Variants in NEB observed in about 807,000 individuals in gnomAD.
NEB encodes the protein nebulin.
In NEB, 512 loss-of-function variants were observed where a neutral mutation model predicts 952.2. The ratio of observed to expected loss-of-function variants is 0.54; its 90% confidence interval spans 0.50 to 0.58. NEB has a LOEUF of 0.58. NEB is among the 20% of genes least tolerant of loss of function. NEB has a pLI of 0.00. For missense variants in NEB, 8,428 were observed against 9,231.1 expected (o/e 0.91, Z 3.56); for synonymous variants, 2,900 against 3,149.8 (o/e 0.92, Z 2.66).
intron 141 of NEB, 116 bp from the exon 142 acceptor site, chr2:151,535,911 T>A (rs1313707067): frequency 3.2e-6 from 2 of 624,592 alleles, no homozygotes; most frequent in Non-Finnish European, 5.4e-6. Context: ...TAACACATAT[T>A]CGTTTGTTTG....
At chr2:151,567,071 G>C in intron 114 of NEB, 97 bp downstream of exon 114, 1 of 1,061,864 alleles carries the variant, frequency 9.4e-7, no homozygotes, top group East Asian at 2.4e-5. Flanking sequence ...AATATCGATG[G>C]CCTCAAATTT....
In NEB at chr2:151,697,560, T is replaced by A; in HGVS notation, c.1241A>T (p.Gln414Leu). 2 of 1,613,058 alleles carry A rather than the reference T, an allele frequency of 1.2e-6. No homozygotes were observed. The highest frequency in any genetic ancestry group is 1.7e-6 in the Non-Finnish European group (2 of 1,179,622). ...ATTGCTTACATCACTACTGAAGTTCTGCAGAACAGTATCGAGCTTGAATTT... is the reference window on the plus strand; with the variant it reads ...ATTGCTTACATCACTACTGAAGTTCAGCAGAACAGTATCGAGCTTGAATTT... The part of the protein sequence containing the change: ...TPKFKLDTVL[Q>L]NFSSDKKYKD... The change falls in exon 14 of 182, where the codon CAG becomes CTG. Residue 414 changes from glutamine to leucine, a missense_variant. Gln to Leu is a moderately radical substitution (Grantham distance 113). Transcript: ENST00000397345.
chr2:151,502,954 G>T, intron 166 of NEB, 69 bp from the exon 167 acceptor site: 1 of 911,048 alleles, frequency 1.1e-6, no homozygotes. Context: ...GGAAGGAAAT[G>T]GGGGAAGGGG....
intron 5 of NEB, among the ~76,000 whole-genome samples, chr2:151,727,409 G>T (rs1029187954): frequency 6.6e-6 from 1 of 152,144 alleles, no homozygotes; most frequent in African/African-American, 2.4e-5. Context: ...CATTATTCTA[G>T]ATTGGCTAAT....
At chr2:151,520,968 T>C (rs2081563296) in intron 153 of NEB, among the ~76,000 whole-genome samples, 1 of 152,220 alleles carries the variant, frequency 6.6e-6, no homozygotes, top group African/African-American at 2.4e-5. Context: ...TCAACAGTAT[T>C]GCAGAATTAA....
rs999080835 is a variant in NEB, at chr2:151,725,621, T to A, written c.295-61A>T. ...GCAGTGAAAATTTCAGGCAACATAC[T>A]CACCCCATTTGATAAAAAAAAATCC... On this transcript the variant is annotated intron_variant, in intron 5 of 181. Coordinates refer to ENST00000397345, the MANE Select transcript of NEB (RefSeq NM_001164508.2). 5.4e-6 allele frequency: 7 copies of A among 1,292,718 alleles called. No homozygotes were observed. In the African/African-American group the frequency reaches 1.0e-4, roughly 19 times the overall value. The allele number at this position is 1,292,718 out of a possible 1,614,324, so 80.1% of individuals were successfully genotyped here.
At chr2:151,618,239 A>C (rs1299972411) in intron 74 of NEB, 36 bp downstream of exon 74, 1 of 1,568,284 alleles carries the variant, frequency 6.4e-7, no homozygotes, top group African/African-American at 1.4e-5. Context: ...TTCTGTGGTA[A>C]CTTTCGGTAT....
chr2:151,644,365 A>C, intron 56 of NEB, 103 bp downstream of exon 56: 1 of 1,188,272 alleles, frequency 8.4e-7, no homozygotes, highest in Admixed American at 2.1e-5. Flanking sequence ...ATTCCACTGT[A>C]ATTTGTTACC....
intron 138 of NEB, among the ~76,000 whole-genome samples, chr2:151,539,185 C>T (rs1302716174): frequency 3.9e-5 from 6 of 152,096 alleles, no homozygotes; most frequent in South Asian, 4.2e-4. Flanking sequence ...GTGTGGCCAC[C>T]GCTGTAAGAT....
intron 105 of NEB, among the ~76,000 whole-genome samples, chr2:151,578,688 A>G (rs879863416): frequency 8.0e-5 from 12 of 149,086 alleles, no homozygotes; most frequent in Non-Finnish European, 1.6e-4. Flanking sequence ...GGAAGGAAGG[A>G]AGGAAGGAGA....
rs573693040 is a variant in NEB at position 151,619,734 on chromosome 2, T to A, written c.10589A>T (p.Gln3530Leu). 6.1e-5 allele frequency: 99 copies of A among 1,612,588 alleles called. No individual in the cohort carries two copies. The highest frequency in any genetic ancestry group is 8.1e-5 in the Non-Finnish European group (96 of 1,178,832). ...DYKYKEAYRK[Q>L]LGHHIGARAV... ...TCGGGCGCCAATGTGGTGACCCAAC[T>A]GTTTACGATATGCTTCTTTGTATTT... The change falls in exon 73 of 182, where the codon CAG (glutamine) becomes CTG (leucine). Residue 3530 changes from glutamine to leucine, a missense_variant. Coordinates refer to ENST00000397345, the MANE Select transcript of NEB (RefSeq NM_001164508.2).
chr2:151,496,836 T>G, intron 172 of NEB, 105 bp downstream of exon 172: 1 of 1,304,268 alleles, frequency 7.7e-7, no homozygotes, highest in South Asian at 1.4e-5. Context: ...AAGAAAGAAG[T>G]TCACAAAATT....
chr2:151,517,950 C>T (rs1357973350), intron 156 of NEB, among the ~76,000 whole-genome samples: 1 of 152,080 alleles, frequency 6.6e-6, no homozygotes, highest in Admixed American at 6.6e-5. Context: ...AGTAGTAGAC[C>T]TGATCGTATC....
intron 171 of NEB, 120 bp from the exon 172 acceptor site, chr2:151,497,153 A>G: frequency 4.5e-6 from 6 of 1,337,496 alleles, no homozygotes; most frequent in Non-Finnish European, 6.1e-6. Flanking sequence ...AGGAGCCAGA[A>G]GTTATATGCT....
At chr2:151,732,337 C>T (rs936641792) in intron 3 of NEB, among the ~76,000 whole-genome samples, 9 of 151,702 alleles carry the variant, frequency 5.9e-5, no homozygotes, top group Admixed American at 6.6e-5. Context: ...GAGGAAAAAC[C>T]GTAAGATGAT....
intron 29 of NEB, 125 bp downstream of exon 29, chr2:151,682,535 CGT>C: frequency 1.4e-6 from 1 of 737,638 alleles, no homozygotes. Flanking sequence ...AATTTGTGCA[CGT>C]GGTAAGCTCT....
chr2:151,638,076 T>A (rs1012626828), intron 63 of NEB, among the ~76,000 whole-genome samples: 1 of 152,204 alleles, frequency 6.6e-6, no homozygotes, highest in Non-Finnish European at 1.5e-5. Flanking sequence ...AGGCTCAGTC[T>A]AAGAAGAAGA....
chr2:151,503,232 A>AAC, intron 166 of NEB, 117 bp downstream of exon 166: 1 of 765,780 alleles, frequency 1.3e-6, no homozygotes, highest in Non-Finnish European at 2.2e-6. Context: ...AATAATACAC[A>AAC]ACACACACAG....
Position 151,658,585 on chromosome 2 carries a change from T to C in NEB, c.6075+480A>G, listed in dbSNP as rs574197358. Reference sequence around the variant, plus strand: ...TAGAGGATTTCCTAGCAACTATGATTAGGATGAAAAAGGAAATGAAATAAA... The same window carrying C: ...TAGAGGATTTCCTAGCAACTATGATCAGGATGAAAAAGGAAATGAAATAAA... On this transcript the variant is annotated intron_variant, in intron 47 of 181. Coordinates refer to ENST00000397345, the MANE Select transcript of NEB (RefSeq NM_001164508.2). Among the ~76,000 whole-genome samples, 7 of 152,266 alleles carry C rather than the reference T, an allele frequency of 4.6e-5. No homozygotes were observed. The East Asian group carries it at 1.4e-3, about 29-fold the overall frequency.
Sources: allele counts gnomAD v4.1 joint callset (sites outside exome capture counted in the v4.1 genomes callset), GRCh38; gene constraint gnomAD v4.1.1; transcripts MANE v1.5; gene names NCBI Gene and HGNC (gene_info 2026-07-23, HGNC 2026-07-21).